IFT88: variants seen among roughly 807,000 people sequenced by gnomAD.
The protein encoded by IFT88 is intraflagellar transport protein 88 homolog.
IFT88 carries 74 observed loss-of-function variants against 119.5 expected under a neutral mutation model. The ratio of observed to expected loss-of-function variants is 0.62; its 90% confidence interval spans 0.51 to 0.75. The LOEUF is 0.75. Among genes scored for constraint, IFT88 ranks in the 30% least tolerant of loss-of-function variants. The probability of loss-of-function intolerance (pLI) is 0.00; values close to 1 mark genes in which losing one functional copy is unlikely to be tolerated. For synonymous variants in IFT88, 279 were observed against 316.7 expected (o/e 0.88, Z 1.26); for missense variants, 961 against 977.7 (o/e 0.98, Z 0.23).
intron 15 of IFT88, among the ~76,000 whole-genome samples, chr13:20,626,339 T>C (rs891420229): frequency 3.3e-5 from 5 of 152,122 alleles, no homozygotes; most frequent in Non-Finnish European, 2.9e-5. Context: ...GGATTACAGG[T>C]GTGAGCCACC....
intron 23 of IFT88, among the ~76,000 whole-genome samples, chr13:20,665,877 A>ATGAT (rs2140899418): frequency 6.6e-6 from 1 of 152,330 alleles, no homozygotes; most frequent in South Asian, 2.1e-4. Flanking sequence ...TGGAGTGGGC[A>ATGAT]TGATTGGACA....
At chr13:20,569,628 G>A (rs1040708492) in intron 1 of IFT88, among the ~76,000 whole-genome samples, 3 of 151,930 alleles carry the variant, frequency 2.0e-5, no homozygotes, top group African/African-American at 7.3e-5. Flanking sequence ...TACAAAGAAT[G>A]TAAAATGATG....
intron 13 of IFT88, among the ~76,000 whole-genome samples, chr13:20,611,073 C>CA (rs1461721766): frequency 2.0e-5 from 3 of 151,660 alleles, no homozygotes; most frequent in African/African-American, 7.3e-5. Flanking sequence ...GCCTGGGTGA[C>CA]AGAGTGAGAC....
At chr13:20,636,822 CAT>C (rs1594484626) in intron 16 of IFT88, among the ~76,000 whole-genome samples, 1 of 152,204 alleles carries the variant, frequency 6.6e-6, no homozygotes, top group African/African-American at 2.4e-5. Flanking sequence ...TCAGAGTTCA[CAT>C]AAAAACTTGC....
At chr13:20,689,580 A>C (rs1000869620) in intron 24 of IFT88, among the ~76,000 whole-genome samples, 2 of 152,178 alleles carry the variant, frequency 1.3e-5, no homozygotes, top group Non-Finnish European at 2.9e-5. Flanking sequence ...GCAAACCCTA[A>C]GGCAAGAAGG....
chr13:20,615,856 A>G lies in IFT88; in HGVS notation c.1176A>G (p.Thr392=), dbSNP rs772971822. 8.7e-6 allele frequency: 14 copies of G among 1,607,416 alleles called. No individual in the cohort carries two copies. Among genetic ancestry groups the G allele is most frequent in the South Asian group, 7.8e-5 (7 of 90,062 alleles). Residue 392 remains threonine, a synonymous_variant, in exon 14 of 26, where the codon ACA becomes ACG. Transcript: ENST00000351808. Reference sequence around the variant, plus strand: ...AACTCATTGCTCCTGTAATTGAAACATCTTTTGCTGCAGGTTATGATTGGT... The same window carrying G: ...AACTCATTGCTCCTGTAATTGAAACGTCTTTTGCTGCAGGTTATGATTGGT... The part of the protein sequence containing the change: ...SAKLIAPVIE[T]SFAAGYDWCV...
At chr13:20,608,592 G>A (rs1339489575) in intron 13 of IFT88, among the ~76,000 whole-genome samples, 6 of 152,178 alleles carry the variant, frequency 3.9e-5, no homozygotes, top group Admixed American at 2.6e-4. Flanking sequence ...TGTCCAGGGC[G>A]GTGCTTGAGA....
intron 3 of IFT88, among the ~76,000 whole-genome samples, chr13:20,585,696 C>T (rs2039536393): frequency 1.3e-5 from 2 of 152,302 alleles, no homozygotes; most frequent in Admixed American, 1.3e-4. Flanking sequence ...AAAGACACTC[C>T]CGTCAGGCAG....
rs1486075037 is a variant in IFT88 at position 20,614,831 on chromosome 13, T to TTTTTTTC, written c.1113-960_1113-959insTTTTCTT. Among the ~76,000 whole-genome samples the TTTTTTTC allele has an allele frequency of 2.0e-5, 3 of 150,022 alleles. No homozygotes were observed. The East Asian group carries it at 5.8e-4, about 29-fold the overall frequency. On this transcript the variant is annotated intron_variant, in intron 13 of 25. Transcript: ENST00000351808. ...TTATTTCTTTTCTTTTTTTTTTTTT[T>TTTTTTTC]TTGAGACGGAGTCTCACTCTATCAC... is the stretch of plus-strand genomic sequence containing the variant.
intron 24 of IFT88, among the ~76,000 whole-genome samples, chr13:20,678,854 C>G (rs537318578): frequency 6.6e-6 from 1 of 152,110 alleles, no homozygotes; most frequent in African/African-American, 2.4e-5. Flanking sequence ...GGATCTGCAT[C>G]GGCAGACTAC....
chr13:20,656,193 A>G (rs898621800), intron 21 of IFT88, among the ~76,000 whole-genome samples, 172 bp from the exon 22 acceptor site: 1 of 151,436 alleles, frequency 6.6e-6, no homozygotes, highest in African/African-American at 2.4e-5. Flanking sequence ...CCTTATTTCA[A>G]ATTTATTTTA....
chr13:20,598,778 C>A (rs2042151794), intron 10 of IFT88, 25 bp downstream of exon 10: 2 of 1,328,204 alleles, frequency 1.5e-6, no homozygotes, highest in African/African-American at 1.4e-5. Flanking sequence ...TCAGTTTTTC[C>A]AATAGATGTA....
chr13:20,617,330 T>C (rs2045793612), intron 14 of IFT88, among the ~76,000 whole-genome samples: 1 of 151,878 alleles, frequency 6.6e-6, no homozygotes, highest in Admixed American at 6.6e-5. Flanking sequence ...GCAGGGTGAT[T>C]TTTAGTCGGA....
At chr13:20,665,043 C>T (rs1013723890) in intron 23 of IFT88, among the ~76,000 whole-genome samples, 6 of 150,632 alleles carry the variant, frequency 4.0e-5, no homozygotes, top group South Asian at 2.1e-4. Flanking sequence ...CCTGCCACTG[C>T]ACTCCAGCCT....
intron 3 of IFT88, among the ~76,000 whole-genome samples, chr13:20,585,168 G>A (rs1034162304): frequency 2.0e-5 from 3 of 152,036 alleles, no homozygotes; most frequent in African/African-American, 7.3e-5. Flanking sequence ...AATGAGTTTG[G>A]CTAAATCACT....
intron 23 of IFT88, 98 bp from the exon 24 acceptor site, chr13:20,670,875 G>T (rs1042594488): frequency 7.5e-6 from 7 of 939,554 alleles, no homozygotes; most frequent in African/African-American, 3.3e-5. Flanking sequence ...AGTCCTAAGG[G>T]TAATGTAGTA....
At chr13:20,599,914 C>T (rs9550663) in intron 11 of IFT88, among the ~76,000 whole-genome samples, 34,805 of 151,932 alleles carry the variant, frequency 0.23, 5,424 homozygotes, top group East Asian at 0.7. Flanking sequence ...GCTCCCCTTA[C>T]GTTCTTGCTG....
chr13:20,636,051 A>G (rs2048981935), intron 16 of IFT88, among the ~76,000 whole-genome samples: 1 of 151,998 alleles, frequency 6.6e-6, no homozygotes, highest in Non-Finnish European at 1.5e-5. Flanking sequence ...AGTCAGCACA[A>G]CTCCCCTAAA....
chr13:20,624,728 C>G (rs776563357), intron 14 of IFT88, among the ~76,000 whole-genome samples: 4 of 152,122 alleles, frequency 2.6e-5, no homozygotes, highest in Non-Finnish European at 5.9e-5. Flanking sequence ...TGAATGTCTT[C>G]CAGGAGGAGG....
Sources: allele counts gnomAD v4.1 joint callset (sites outside exome capture counted in the v4.1 genomes callset), GRCh38; gene constraint gnomAD v4.1.1; transcripts MANE v1.5; gene names NCBI Gene and HGNC (gene_info 2026-07-23, HGNC 2026-07-21).